CSGALNACT1: variants seen among roughly 807,000 people sequenced by gnomAD.
CSGALNACT1 encodes the protein beta4GalNAcT-1.
Under a neutral mutation model 51.0 loss-of-function variants are expected in CSGALNACT1, and 52 were observed. The observed-to-expected ratio is 1.02, with a 90% confidence interval of 0.82 to 1.29. The LOEUF is 1.29. Ranked by LOEUF, CSGALNACT1 falls within the 50% of genes most tolerant of loss-of-function variation. The pLI, the probability that CSGALNACT1 is intolerant of heterozygous loss-of-function variation, is 0.00. For synonymous variants in CSGALNACT1, 341 were observed against 254.4 expected, an observed-to-expected ratio of 1.34 and a Z score of -3.24; for missense variants, 935 against 679.2, an observed-to-expected ratio of 1.38 and a Z score of -4.19.
intron 3 of CSGALNACT1, among the ~76,000 whole-genome samples, chr8:19,586,259 T>A (rs2046612490): frequency 6.6e-6 from 1 of 152,048 alleles, no homozygotes; most frequent in African/African-American, 2.4e-5. Context: ...CTTGGGAGGC[T>A]GAAGCAGAAG....
intron 4 of CSGALNACT1, among the ~76,000 whole-genome samples, chr8:19,501,633 G>A (rs1218344772): frequency 6.6e-6 from 1 of 152,198 alleles, no homozygotes; most frequent in African/African-American, 2.4e-5. Flanking sequence ...GCCTCACATA[G>A]GGGTCACATT....
intron 1 of CSGALNACT1, among the ~76,000 whole-genome samples, chr8:19,695,723 C>T (rs1471980223): frequency 6.6e-6 from 1 of 152,082 alleles, no homozygotes; most frequent in Admixed American, 6.6e-5. Context: ...GAAAGGCCTC[C>T]GAAAGTTACT....
intron 6 of CSGALNACT1, among the ~76,000 whole-genome samples, chr8:19,430,230 G>A (rs1209441168): frequency 1.3e-5 from 2 of 152,078 alleles, no homozygotes; most frequent in African/African-American, 2.4e-5. Flanking sequence ...TTATTCTCTA[G>A]TTGCTAGGGT....
At chr8:19,726,320 C>G (rs367862723) in intron 1 of CSGALNACT1, among the ~76,000 whole-genome samples, 1 of 152,018 alleles carries the variant, frequency 6.6e-6, no homozygotes, top group East Asian at 1.9e-4. Flanking sequence ...GTTTATGACA[C>G]AAAAAATTGT....
At chr8:19,525,351 C>T (rs2081451079) in intron 3 of CSGALNACT1, among the ~76,000 whole-genome samples, 1 of 152,002 alleles carries the variant, frequency 6.6e-6, no homozygotes, top group Non-Finnish European at 1.5e-5. Context: ...TTCCTGTAAT[C>T]TCAGCACTTT....
chr8:19,420,280 C>A, intron 7 of CSGALNACT1, 60 bp downstream of exon 6: 1 of 1,513,852 alleles, frequency 6.6e-7, no homozygotes, highest in Admixed American at 1.7e-5. Flanking sequence ...ATCAAGAGGA[C>A]GACACATGGG....
chr8:19,724,292 G>A (rs1047190752), intron 1 of CSGALNACT1, among the ~76,000 whole-genome samples: 4 of 152,204 alleles, frequency 2.6e-5, no homozygotes, highest in African/African-American at 9.6e-5. Flanking sequence ...CAGGAGAGCT[G>A]CATTCCCTCT....
chr8:19,492,000 A>C (rs552612187), intron 4 of CSGALNACT1, among the ~76,000 whole-genome samples: 1 of 152,338 alleles, frequency 6.6e-6, no homozygotes, highest in East Asian at 1.9e-4. Context: ...TGTGCTATTA[A>C]TAAGCTCTAT....
rs1344532809 is a variant in CSGALNACT1 at position 19,595,984 on chromosome 8, C to T, written c.-415-4706G>A. Among the ~76,000 whole-genome samples, 4 of 151,898 alleles carry T rather than the reference C, an allele frequency of 2.6e-5. No individual in the cohort carries two copies. The South Asian group carries it at 6.2e-4, about 24-fold the overall frequency. ...GCTCAAGGGATCCTCCGACTCTAGCCTCCCAAGTGGCTGTGACTACAGGCA... is the reference window on the plus strand; with the variant it reads ...GCTCAAGGGATCCTCCGACTCTAGCTTCCCAAGTGGCTGTGACTACAGGCA... On this transcript the variant is annotated intron_variant, in intron 2 of 9. Coordinates refer to ENST00000454498, the Ensembl canonical transcript of CSGALNACT1.
At chr8:19,516,088 G>C (rs150189708) in intron 3 of CSGALNACT1, among the ~76,000 whole-genome samples, 1 of 152,100 alleles carries the variant, frequency 6.6e-6, no homozygotes, top group Non-Finnish European at 1.5e-5. Flanking sequence ...ACTGAGAACC[G>C]CATGAAACCA....
intron 4 of CSGALNACT1, among the ~76,000 whole-genome samples, chr8:19,485,389 A>G (rs1241463618): frequency 6.6e-6 from 1 of 152,100 alleles, no homozygotes; most frequent in Non-Finnish European, 1.5e-5. Flanking sequence ...TGTGAGAGAT[A>G]AAAATAAAAT....
chr8:19,597,285 C>CTTT lies in CSGALNACT1; in HGVS notation c.-416+4483_-416+4485dup, dbSNP rs35177349. 1.1e-4 allele frequency among the ~76,000 whole-genome samples: 7 copies of CTTT among 64,526 alleles called. 1 individual carries two copies. Among genetic ancestry groups the CTTT allele is most frequent in the African/African-American group, 3.5e-4 (5 of 14,384 alleles). The allele number at this position is 64,526 out of a possible 152,430, so 42.3% of individuals were successfully genotyped here. On this transcript the variant is annotated intron_variant, in intron 2 of 9. Coordinates refer to ENST00000454498, the Ensembl canonical transcript of CSGALNACT1. ...GGTTGGGGCTGCCTCTATCTTCTTT[C>CTTT]TTTTTTTTTTTTTTTTTTTTTTTTT...
At chr8:19,445,815 G>A (rs2062016562) in intron 5 of CSGALNACT1, among the ~76,000 whole-genome samples, 2 of 152,136 alleles carry the variant, frequency 1.3e-5, no homozygotes, top group African/African-American at 4.8e-5. Flanking sequence ...CTGGAAAGGT[G>A]TGTGTGTGAG....
intron 1 of CSGALNACT1, among the ~76,000 whole-genome samples, chr8:19,720,447 G>T (rs1463548769): frequency 5.3e-5 from 8 of 152,254 alleles, no homozygotes; most frequent in African/African-American, 1.9e-4. Flanking sequence ...ATGGCTTCTA[G>T]CTAAAAGCAT....
chr8:19,721,309 C>T (rs1429270535), intron 1 of CSGALNACT1, among the ~76,000 whole-genome samples: 1 of 152,166 alleles, frequency 6.6e-6, no homozygotes, highest in Admixed American at 6.5e-5. Context: ...GACCTCAAGC[C>T]CTCTGCCTAC....
chr8:19,478,789 A>G (rs2070528541), intron 4 of CSGALNACT1, among the ~76,000 whole-genome samples: 1 of 152,222 alleles, frequency 6.6e-6, no homozygotes, highest in Non-Finnish European at 1.5e-5. Flanking sequence ...GCCTAATGTG[A>G]CGAAGCTACT....
chr8:19,505,268 C>A, exon 4 of CSGALNACT1: 3 of 1,614,180 alleles, frequency 1.9e-6, no homozygotes, highest in Non-Finnish European at 2.5e-6. Context: ...TGTTCAGGGT[C>A]TCCAAGGCTG....
At chr8:19,556,086 G>A (rs535463910) in intron 3 of CSGALNACT1, among the ~76,000 whole-genome samples, 50 of 152,212 alleles carry the variant, frequency 3.3e-4, no homozygotes, top group African/African-American at 1.1e-3. Context: ...AACATAAAAA[G>A]GATGATTTTG....
intron 9 of CSGALNACT1, among the ~76,000 whole-genome samples, chr8:19,406,926 C>A (rs376460653): frequency 2.2e-4 from 33 of 152,314 alleles, no homozygotes; most frequent in African/African-American, 7.5e-4. Flanking sequence ...CCAGACTGGT[C>A]TTGAACTCCT....
Sources: allele counts gnomAD v4.1 joint callset (sites outside exome capture counted in the v4.1 genomes callset), GRCh38; gene constraint gnomAD v4.1.1; transcripts MANE v1.5; gene names NCBI Gene and HGNC (gene_info 2026-07-23, HGNC 2026-07-21).